Variants in PTPRM observed in about 807,000 individuals in gnomAD.
PTPRM encodes the protein protein tyrosine phosphatase receptor type M.
A neutral mutation model predicts 186.7 loss-of-function variants in PTPRM; 47 were observed. That is an observed-to-expected ratio of 0.25 (90% CI 0.20 to 0.32). The LOEUF is 0.32. Among genes scored for constraint, PTPRM ranks in the 10% least tolerant of loss-of-function variants. The pLI, the probability that PTPRM is intolerant of heterozygous loss-of-function variation, is 1.00. For synonymous variants in PTPRM, 668 were observed against 674.9 expected, an observed-to-expected ratio of 0.99 and a Z score of 0.16; for missense variants, 1,494 against 1,865.0, an observed-to-expected ratio of 0.80 and a Z score of 3.66.
At chr18:7,603,742 C>G (rs916030824) in intron 1 of PTPRM, among the ~76,000 whole-genome samples, 3 of 152,186 alleles carry the variant, frequency 2.0e-5, no homozygotes, top group African/African-American at 2.4e-5. Context: ...TTTATCCTTT[C>G]AGGGATCATG....
intron 1 of PTPRM, among the ~76,000 whole-genome samples, chr18:7,764,613 G>A (rs2041934341): frequency 2.0e-5 from 3 of 152,142 alleles, no homozygotes; most frequent in Non-Finnish European, 4.4e-5. Context: ...TCTGGCTGCC[G>A]GGCCCAACCC....
chr18:8,341,690 C>CG (rs1555879308), intron 22 of PTPRM, among the ~76,000 whole-genome samples: 3 of 151,758 alleles, frequency 2.0e-5, no homozygotes, highest in South Asian at 2.1e-4. Flanking sequence ...AAGCCCCCCC[C>CG]CCTTTGATTC....
chr18:7,802,024 A>T, intron 2 of PTPRM, among the ~76,000 whole-genome samples: 1 of 152,214 alleles, frequency 6.6e-6, no homozygotes, highest in East Asian at 1.9e-4. Flanking sequence ...GAGAAAGTAC[A>T]TTTAGAAATA....
rs925759066 is a variant in PTPRM, at chr18:7,701,468, C to T, written c.74-72681C>T. On this transcript the variant is annotated intron_variant, in intron 1 of 32. Transcript: ENST00000580170. ...AAAAAAAAGTAGCTGGGCGTGGTGG[C>T]GCGTGCGTGTAGTCCCAGCTACTCC... Among the ~76,000 whole-genome samples the T allele has an allele frequency of 4.6e-5, 7 of 151,728 alleles. No individual in the cohort carries two copies. In the East Asian group the frequency reaches 5.8e-4, roughly 13 times the overall value.
intron 5 of PTPRM, among the ~76,000 whole-genome samples, chr18:7,937,848 C>A (rs948530838): frequency 1.2e-4 from 18 of 152,162 alleles, no homozygotes; most frequent in Non-Finnish European, 2.5e-4. Context: ...CAGTCCATTG[C>A]GCTTAATATC....
chr18:7,646,539 A>G (rs1229598320), intron 1 of PTPRM, among the ~76,000 whole-genome samples: 1 of 151,988 alleles, frequency 6.6e-6, no homozygotes, highest in Non-Finnish European at 1.5e-5. Flanking sequence ...TATCTCTCGT[A>G]TACTGGAGGA....
chr18:8,339,573 G>C (rs1177159480), intron 22 of PTPRM, among the ~76,000 whole-genome samples: 1 of 152,170 alleles, frequency 6.6e-6, no homozygotes, highest in Admixed American at 6.5e-5. Flanking sequence ...TGTCCACTCT[G>C]TGAGCAATCC....
At chr18:8,381,035 G>A (rs2095731575) in intron 29 of PTPRM, among the ~76,000 whole-genome samples, 1 of 152,154 alleles carries the variant, frequency 6.6e-6, no homozygotes, top group South Asian at 2.1e-4. Flanking sequence ...AAATAATACT[G>A]GGACTTGGAG....
intron 1 of PTPRM, among the ~76,000 whole-genome samples, chr18:7,666,612 C>T (rs1318037408): frequency 1.3e-5 from 2 of 152,170 alleles, no homozygotes; most frequent in Non-Finnish European, 2.9e-5. Context: ...TTCTGGAAAC[C>T]CAACACATTG....
chr18:8,124,162 C>G (rs1415886222), intron 13 of PTPRM, among the ~76,000 whole-genome samples: 9 of 152,166 alleles, frequency 5.9e-5, no homozygotes, highest in Non-Finnish European at 1.3e-4. Flanking sequence ...TACAGGTGAT[C>G]TACCTCATTT....
chr18:7,588,952 T>G (rs990616703), intron 1 of PTPRM, among the ~76,000 whole-genome samples: 3 of 152,150 alleles, frequency 2.0e-5, no homozygotes, highest in African/African-American at 7.2e-5. Context: ...TGGGCTCCAG[T>G]GATCCTCCTG....
rs145964104 is a variant in PTPRM, at chr18:7,992,229, T to C, written c.1132+36815T>C. On this transcript the variant is annotated intron_variant, in intron 7 of 32. Transcript: ENST00000580170. ...GGGTATGATCCTGTTTAACAAGATATTTTGACTACAAAAGTGTAATTTTTT... is the reference window on the plus strand; with the variant it reads ...GGGTATGATCCTGTTTAACAAGATACTTTGACTACAAAAGTGTAATTTTTT... 3.3e-3 allele frequency among the ~76,000 whole-genome samples: 507 copies of C among 152,280 alleles called. 2 individuals carry two copies. The highest frequency in any genetic ancestry group is 0.012 in the African/African-American group (481 of 41,572).
At chr18:7,815,414 GA>G (rs2044758265) in intron 2 of PTPRM, 1 of 152,232 alleles carries the variant, frequency 6.6e-6, no homozygotes. Context: ...GCAGTTCTGT[GA>G]AGGTGGGAAA....
chr18:7,987,735 T>A (rs972755552), intron 7 of PTPRM, among the ~76,000 whole-genome samples: 74 of 152,200 alleles, frequency 4.9e-4, no homozygotes, highest in Non-Finnish European at 9.6e-4. Flanking sequence ...CATCTAATTT[T>A]AAAAACCTAC....
intron 1 of PTPRM, among the ~76,000 whole-genome samples, chr18:7,612,792 C>T (rs2037707950): frequency 6.6e-6 from 1 of 152,104 alleles, no homozygotes; most frequent in Non-Finnish European, 1.5e-5. Context: ...TTTCTTTTAG[C>T]ATTGTGTAGG....
chr18:8,033,522 A>G (rs948906455), intron 7 of PTPRM, among the ~76,000 whole-genome samples: 6 of 152,178 alleles, frequency 3.9e-5, no homozygotes, highest in Non-Finnish European at 7.3e-5. Context: ...CATTGCTCCT[A>G]GGCTACAAAC....
chr18:7,719,569 A>G (rs1400676139), intron 1 of PTPRM, among the ~76,000 whole-genome samples: 1 of 152,196 alleles, frequency 6.6e-6, no homozygotes, highest in Admixed American at 6.5e-5. Context: ...TAAAAAACAC[A>G]CTTAATAAAA....
intron 14 of PTPRM, among the ~76,000 whole-genome samples, chr18:8,144,342 CGTG>C (rs1366346247): frequency 2.2e-4 from 33 of 152,236 alleles, no homozygotes; most frequent in Non-Finnish European, 8.8e-5. Flanking sequence ...GGCTGGGCAC[CGTG>C]GCTCATGCCT....
Position 8,253,290 on chromosome 18 carries a change from G to A in PTPRM, c.2630G>A (p.Arg877Gln), listed in dbSNP as rs150784148. 2.9e-5 allele frequency: 47 copies of A among 1,596,542 alleles called. No individual in the cohort carries two copies. The highest frequency in any genetic ancestry group is 1.7e-4 in the Middle Eastern group (1 of 6,046). The change falls in exon 19 of 33, where the codon CGA (arginine) becomes CAA (glutamine). Residue 877 changes from arginine (R) to glutamine (Q), a missense_variant. Around this residue, in one of 3 missense-constraint regions of PTPRM, gnomAD observed 1,107 missense variants for 1,350.2 expected, o/e 0.82. Coordinates refer to ENST00000580170, the MANE Select transcript of PTPRM (RefSeq NM_001105244.2). ...GTGCAGTCCCATACTTACAAGAAGCGAGAGCCGGCCGACGTGCCCTATCAG... is the reference window on the plus strand; with the variant it reads ...GTGCAGTCCCATACTTACAAGAAGCAAGAGCCGGCCGACGTGCCCTATCAG... ...SLVQSHTYKK[R>Q]EPADVPYQTG...
Sources: allele counts gnomAD v4.1 joint callset (sites outside exome capture counted in the v4.1 genomes callset), GRCh38; gene constraint gnomAD v4.1.1; regional missense constraint gnomAD v4.1.1; transcripts MANE v1.5; gene names NCBI Gene and HGNC (gene_info 2026-07-23, HGNC 2026-07-21).